The following FRMD4A variants were observed in gnomAD, a reference collection of about 807,000 sequenced individuals.
FRMD4A encodes the protein FERM domain containing 4A.
Under a neutral mutation model 129.1 loss-of-function variants are expected in FRMD4A, and 29 were observed. That is an observed-to-expected ratio of 0.22 (90% CI 0.17 to 0.31). FRMD4A has a LOEUF of 0.31. FRMD4A is among the 10% of genes least tolerant of loss of function. The pLI, the probability that FRMD4A is intolerant of heterozygous loss-of-function variation, is 1.00. For synonymous variants in FRMD4A, 634 were observed against 571.6 expected (o/e 1.11, Z -1.56); for missense variants, 1,272 against 1,375.8 (o/e 0.92, Z 1.19).
intron 2 of FRMD4A, among the ~76,000 whole-genome samples, chr10:14,189,506 G>A (rs565560194): frequency 5.9e-5 from 9 of 152,150 alleles, no homozygotes; most frequent in South Asian, 2.1e-4. Context: ...CCTGGGAGGC[G>A]GAGGTTGCAG....
At chr10:14,026,310 T>C (rs932198309) in intron 2 of FRMD4A, among the ~76,000 whole-genome samples, 2 of 152,160 alleles carry the variant, frequency 1.3e-5, no homozygotes, top group African/African-American at 4.8e-5. Context: ...AATTCAACAT[T>C]TCACACTTAA....
At chr10:13,833,547 T>G (rs183391158) in intron 3 of FRMD4A, among the ~76,000 whole-genome samples, 1 of 152,186 alleles carries the variant, frequency 6.6e-6, no homozygotes. Flanking sequence ...GCATCTGCCC[T>G]GTGCCCGGTG....
At chr10:14,276,269 C>T (rs1428888927) in intron 2 of FRMD4A, among the ~76,000 whole-genome samples, 1 of 152,160 alleles carries the variant, frequency 6.6e-6, no homozygotes, top group African/African-American at 2.4e-5. Flanking sequence ...TGAAAGGGCA[C>T]TGGGTTGCTC....
intron 19 of FRMD4A, among the ~76,000 whole-genome samples, chr10:13,661,692 G>A (rs114122891): frequency 0.012 from 1,878 of 152,278 alleles, 46 homozygotes; most frequent in African/African-American, 0.043. Context: ...AGAGGGGGAT[G>A]AATGAGGACT....
chr10:14,171,927 T>C (rs1037400404), intron 2 of FRMD4A, among the ~76,000 whole-genome samples: 2 of 152,348 alleles, frequency 1.3e-5, no homozygotes, highest in Middle Eastern at 6.8e-3. Flanking sequence ...AGTTTAAGTA[T>C]GGCAACCACC....
intron 2 of FRMD4A, among the ~76,000 whole-genome samples, chr10:14,099,498 T>G (rs1837186298): frequency 6.6e-6 from 1 of 152,204 alleles, no homozygotes; most frequent in Non-Finnish European, 1.5e-5. Flanking sequence ...TATGTCCAAA[T>G]CCAGGCATGC....
rs1033458680 is a variant in FRMD4A at position 14,182,846 on chromosome 10, C to A, written c.45+147212G>T. ...CTGAATTCTACTGAGTGAGAACTAG[C>A]AGGAGGGTTGAACAATTCAAGTGGA... On this transcript the variant is annotated intron_variant, in intron 2 of 24. Coordinates refer to ENST00000357447, the MANE Select transcript of FRMD4A (RefSeq NM_018027.5). 3.5e-4 allele frequency among the ~76,000 whole-genome samples: 53 copies of A among 152,302 alleles called. 1 individual carries two copies. The highest frequency in any genetic ancestry group is 1.3e-3 in the African/African-American group (53 of 41,554).
At chr10:13,953,310 G>C (rs187317039) in intron 2 of FRMD4A, among the ~76,000 whole-genome samples, 3 of 152,168 alleles carry the variant, frequency 2.0e-5, no homozygotes, top group Admixed American at 6.5e-5. Context: ...TTATTCTAAA[G>C]GGAGCTATGG....
chr10:14,016,735 G>T (rs1181354529), intron 2 of FRMD4A, among the ~76,000 whole-genome samples: 1 of 152,218 alleles, frequency 6.6e-6, no homozygotes, highest in East Asian at 1.9e-4. Flanking sequence ...TGCAGGGCAG[G>T]GAGGAAAATG....
At chr10:13,684,375 C>T (rs767233471) in intron 15 of FRMD4A, 124 of 985,024 alleles carry the variant, frequency 1.3e-4, no homozygotes, top group Non-Finnish European at 1.5e-4. Flanking sequence ...AGTGAACTTC[C>T]CGATGCTATG....
At chr10:14,174,627 C>G (rs1056939419) in intron 2 of FRMD4A, among the ~76,000 whole-genome samples, 8 of 152,098 alleles carry the variant, frequency 5.3e-5, no homozygotes, top group African/African-American at 1.9e-4. Context: ...TAGTTGACAC[C>G]ATTACTGAGC....
chr10:13,694,962 G>T (rs983167359), intron 14 of FRMD4A, among the ~76,000 whole-genome samples: 4 of 152,042 alleles, frequency 2.6e-5, no homozygotes, highest in Non-Finnish European at 5.9e-5. Flanking sequence ...CGTCTGACAC[G>T]GTGCTTTGCT....
Position 14,315,355 on chromosome 10 carries a change from C to A in FRMD4A, c.45+14703G>T, listed in dbSNP as rs117481457. On this transcript the variant is annotated intron_variant, in intron 2 of 24. Transcript: ENST00000357447. ...ATGAATGTGTCCAAAAAAAAGATAT[C>A]ATTAGTCCTTAGAAACCTATTTCTT... 7.7e-3 allele frequency among the ~76,000 whole-genome samples: 1,179 copies of A among 152,266 alleles called. 5 individuals are homozygous for A. Among genetic ancestry groups the A allele is most frequent in the Non-Finnish European group, 0.012 (824 of 68,008 alleles).
intron 15 of FRMD4A, among the ~76,000 whole-genome samples, chr10:13,691,225 C>T (rs1340587807): frequency 1.3e-5 from 2 of 152,202 alleles, no homozygotes; most frequent in African/African-American, 2.4e-5. Flanking sequence ...TGGCCTCAAG[C>T]GATCCGCCTG....
intron 12 of FRMD4A, among the ~76,000 whole-genome samples, chr10:13,730,216 ACC>A: frequency 1.3e-5 from 2 of 151,834 alleles, no homozygotes; most frequent in South Asian, 4.2e-4. Context: ...GAACGTAAGG[ACC>A]CCTCCCCTAC....
At chr10:14,033,561 G>C (rs998650779) in intron 2 of FRMD4A, among the ~76,000 whole-genome samples, 2 of 152,084 alleles carry the variant, frequency 1.3e-5, no homozygotes, top group African/African-American at 4.8e-5. Context: ...GAGGCGAGTG[G>C]ATCACTTGAG....
intron 2 of FRMD4A, among the ~76,000 whole-genome samples, chr10:13,910,888 GAAAAA>G (rs141449954): frequency 1.3e-3 from 108 of 82,972 alleles, no homozygotes; most frequent in African/African-American, 1.8e-3. Flanking sequence ...GGAGTTTCAT[GAAAAA>G]AAAAAAAAAA....
At chr10:14,138,596 T>C (rs1839666755) in intron 2 of FRMD4A, among the ~76,000 whole-genome samples, 1 of 151,828 alleles carries the variant, frequency 6.6e-6, no homozygotes, top group Non-Finnish European at 1.5e-5. Flanking sequence ...CCATCTCTGC[T>C]AAAAATACAA....
intron 6 of FRMD4A, among the ~76,000 whole-genome samples, chr10:13,773,185 A>G (rs1383536198): frequency 6.6e-6 from 1 of 152,204 alleles, no homozygotes; most frequent in Non-Finnish European, 1.5e-5. Context: ...CTCCTTCGTA[A>G]CTATGCATAA....
Sources: gnomAD v4.1 joint callset for allele counts (sites outside exome capture counted in the v4.1 genomes callset) on GRCh38, gnomAD v4.1.1 for gene constraint, MANE v1.5 for transcripts, NCBI Gene and HGNC (gene_info 2026-07-23, HGNC 2026-07-21) for gene names.